The following ATF7 variants were observed in gnomAD, a reference collection of about 807,000 sequenced individuals.
ATF7 encodes activating transcription factor 7.
In ATF7, 10 loss-of-function variants were observed where a neutral mutation model predicts 50.4. The observed-to-expected ratio is 0.20, with a 90% CI of 0.12 to 0.34. The LOEUF (loss-of-function observed/expected upper bound fraction) is 0.34, where lower values mean the gene tolerates loss of function less well. ATF7 is among the 10% of genes least tolerant of loss of function. ATF7 has a pLI of 1.00. For synonymous variants in ATF7, 201 were observed against 226.4 expected (o/e 0.89, Z 1.01); for missense variants, 465 against 613.9 (o/e 0.76, Z 2.56).
chr12:53,570,241 T>C (rs1341528447), intron 2 of ATF7, among the ~76,000 whole-genome samples: 3 of 152,048 alleles, frequency 2.0e-5, no homozygotes, highest in African/African-American at 7.2e-5. Context: ...AACAAATTGT[T>C]CCAATTATAT....
chr12:53,540,168 T>C (rs1042302078), intron 4 of ATF7, among the ~76,000 whole-genome samples: 3 of 151,752 alleles, frequency 2.0e-5, no homozygotes, highest in African/African-American at 7.3e-5. Flanking sequence ...CAGGCCAACA[T>C]GGTGAAACCC....
intron 1 of ATF7, among the ~76,000 whole-genome samples, chr12:53,620,656 T>C (rs938226446): frequency 6.9e-6 from 1 of 145,692 alleles, no homozygotes; most frequent in Non-Finnish European, 1.5e-5. Context: ...CTTGGGAAGC[T>C]AAGGCCTGAG....
rs540840506 is a variant in ATF7 at position 53,560,096 on chromosome 12, G to C, written c.49-7459C>G. 8.6e-5 allele frequency among the ~76,000 whole-genome samples: 13 copies of C among 151,894 alleles called. No individual in the cohort carries two copies. The East Asian group carries it at 2.3e-3, about 27-fold the overall frequency. On this transcript the variant is annotated intron_variant, in intron 2 of 11. Coordinates refer to ENST00000420353, the MANE Select transcript of ATF7 (RefSeq NM_006856.3). The stretch of plus-strand genomic sequence containing the variant: ...TGCCACCACACCCGGCTAATTTTTT[G>C]TGTTTTTAGTAGAGACAGGGTTTCA...
chr12:53,602,863 G>A (rs1358353719), intron 1 of ATF7, among the ~76,000 whole-genome samples: 5 of 152,092 alleles, frequency 3.3e-5, no homozygotes, highest in African/African-American at 1.2e-4. Flanking sequence ...ATAAATACAA[G>A]TAAACAAAAG....
chr12:53,554,580 G>A (rs1430563893), intron 2 of ATF7, among the ~76,000 whole-genome samples: 5 of 151,696 alleles, frequency 3.3e-5, no homozygotes. Context: ...TCTCAAAAAA[G>A]GGCCAGGTGC....
rs889221037 is a variant in ATF7 at position 53,516,695 on chromosome 12, A to C, written c.*442T>G. 6 of 186,554 alleles carry C rather than the reference A, an allele frequency of 3.2e-5. No homozygotes were observed. The highest frequency in any genetic ancestry group is 6.9e-5 in the Non-Finnish European group (6 of 86,404). 11.6% of individuals were successfully genotyped at this position (186,554 alleles called of 1,614,324 possible). A position where few individuals can be genotyped will look rare whatever the true frequency, so the allele number is the denominator to read the frequency against. On this transcript the variant is annotated 3_prime_UTR_variant, in exon 12 of 12. Coordinates refer to ENST00000420353, the MANE Select transcript of ATF7 (RefSeq NM_006856.3). ...GGGTCAGCGGGTAATATGTCATCAA[A>C]TCTAGCCTCCCTCTATCTGGCAGGA...
chr12:53,545,366 C>T (rs1189487024), intron 3 of ATF7, among the ~76,000 whole-genome samples: 2 of 152,144 alleles, frequency 1.3e-5, no homozygotes, highest in African/African-American at 4.8e-5. Context: ...GTTGCTCAGG[C>T]TGGAGTGCAA....
chr12:53,587,843 A>ATTTT (rs201692852), intron 2 of ATF7, among the ~76,000 whole-genome samples: 103 of 61,526 alleles, frequency 1.7e-3, no homozygotes, highest in South Asian at 5.2e-3. Flanking sequence ...ATATATATAT[A>ATTTT]TTTTTTTTTT....
At chr12:53,540,493 G>A (rs539080653) in intron 4 of ATF7, among the ~76,000 whole-genome samples, 3 of 152,206 alleles carry the variant, frequency 2.0e-5, no homozygotes, top group African/African-American at 2.4e-5. Context: ...GGAGGCTGAG[G>A]TGGACAGATT....
In ATF7 at chr12:53,517,052, G is replaced by T. The variant is rs771526428; in HGVS notation, c.*85C>A. On this transcript the variant is annotated 3_prime_UTR_variant, in exon 12 of 12. Coordinates refer to ENST00000420353, the MANE Select transcript of ATF7 (RefSeq NM_006856.3). ...CCCCCACCCATATTGCCATGTCCAA[G>T]GCAGATGGGAGGGGATAAGATGACA... 16 of 1,448,976 alleles carry T rather than the reference G, an allele frequency of 1.1e-5. No homozygotes were observed. Among genetic ancestry groups the T allele is most frequent in the Non-Finnish European group, 1.4e-5 (15 of 1,048,428 alleles). 89.8% of individuals were successfully genotyped at this position (1,448,976 alleles called of 1,614,324 possible).
At chr12:53,602,143 T>A (rs575643881) in intron 1 of ATF7, among the ~76,000 whole-genome samples, 1 of 152,252 alleles carries the variant, frequency 6.6e-6, no homozygotes, top group Non-Finnish European at 1.5e-5. Flanking sequence ...AATAGTCTTA[T>A]AAACTCCTAA....
At chr12:53,608,226 A>T (rs1852894492) in intron 1 of ATF7, among the ~76,000 whole-genome samples, 1 of 151,580 alleles carries the variant, frequency 6.6e-6, no homozygotes, top group South Asian at 2.1e-4. Context: ...CTCAAAAAAA[A>T]AAAAAAAAAA....
At position 53,533,152 on chromosome 12, in the gene ATF7, G is replaced by A; in HGVS notation, c.660+8C>T. 1.2e-6 allele frequency: 2 copies of A among 1,607,066 alleles called. No individual in the cohort carries two copies. Among genetic ancestry groups the A allele is most frequent in the Non-Finnish European group, 1.7e-6 (2 of 1,173,834 alleles). The stretch of plus-strand genomic sequence containing the variant: ...GGTAGGGTTGGCTGCCCCAACTACA[G>A]AGCTCACCGATATAACAGACGGCAT... On this transcript the variant is annotated splice_region_variant and intron_variant, in intron 7 of 11. Transcript: ENST00000420353.
At chr12:53,544,179 G>A (rs77669860) in intron 3 of ATF7, among the ~76,000 whole-genome samples, 3 of 152,300 alleles carry the variant, frequency 2.0e-5, no homozygotes, top group South Asian at 2.1e-4. Flanking sequence ...GGGGCTGCAC[G>A]AGTCTCTCCT....
At chr12:53,620,326 C>T (rs1467580832) in intron 1 of ATF7, among the ~76,000 whole-genome samples, 2 of 151,568 alleles carry the variant, frequency 1.3e-5, no homozygotes, top group Admixed American at 6.6e-5. Flanking sequence ...CCTGTAATCC[C>T]AGCACTTTGG....
chr12:53,607,177 C>T (rs1451631046), intron 1 of ATF7, among the ~76,000 whole-genome samples: 2 of 152,132 alleles, frequency 1.3e-5, no homozygotes, highest in African/African-American at 4.8e-5. Flanking sequence ...ACAGTCCCAC[C>T]AACAGTGTAA....
chr12:53,540,596 T>TG (rs1939492517), intron 4 of ATF7, among the ~76,000 whole-genome samples: 1 of 151,604 alleles, frequency 6.6e-6, no homozygotes, highest in African/African-American at 2.4e-5. Context: ...CGTCGTGGCA[T>TG]GCACCTGTAA....
At position 53,596,157 on chromosome 12, in the gene ATF7, G is replaced by A. The variant is rs772657351; in HGVS notation, c.48+4796C>T. 4.6e-5 allele frequency among the ~76,000 whole-genome samples: 7 copies of A among 152,148 alleles called. 1 individual carries two copies. In the East Asian group the frequency reaches 1.2e-3, roughly 25 times the overall value. On this transcript the variant is annotated intron_variant, in intron 2 of 11. Coordinates refer to ENST00000420353, the MANE Select transcript of ATF7 (RefSeq NM_006856.3). ...TACTAAAAATACAAAAAAATTAGCC[G>A]GGAGTGGCAGTGGGCGCCTGTAATC...
intron 2 of ATF7, among the ~76,000 whole-genome samples, chr12:53,600,481 C>T (rs1037109257): frequency 6.6e-6 from 1 of 152,078 alleles, no homozygotes; most frequent in African/African-American, 2.4e-5. Context: ...GCTGGGATTA[C>T]AGGCATGTGC....
Sources: gnomAD v4.1 joint callset for allele counts (sites outside exome capture counted in the v4.1 genomes callset) on GRCh38, gnomAD v4.1.1 for gene constraint, MANE v1.5 for transcripts, NCBI Gene and HGNC (gene_info 2026-07-23, HGNC 2026-07-21) for gene names.